Variants in ADAMTS2 observed in about 807,000 individuals in gnomAD.
The protein encoded by ADAMTS2 is ADAM metallopeptidase with thrombospondin type 1 motif 2.
Under a neutral mutation model 123.0 loss-of-function variants are expected in ADAMTS2, and 50 were observed. That is an observed-to-expected ratio of 0.41 (90% CI 0.32 to 0.51). ADAMTS2 has a LOEUF of 0.51. Ranked by LOEUF, ADAMTS2 falls within the 20% of genes least tolerant of loss-of-function variation. The pLI, the probability that ADAMTS2 is intolerant of heterozygous loss-of-function variation, is 0.35. For missense variants in ADAMTS2, 1,494 were observed against 1,705.2 expected (o/e 0.88, Z 2.18); for synonymous variants, 678 against 695.4 (o/e 0.98, Z 0.39).
chr5:179,214,533 A>T (rs1764930951), intron 3 of ADAMTS2, among the ~76,000 whole-genome samples: 1 of 141,928 alleles, frequency 7.0e-6, no homozygotes, highest in African/African-American at 2.6e-5. Context: ...TCTCACATAA[A>T]ATAATGCAAA....
At position 179,340,754 on chromosome 5, in the gene ADAMTS2, G is replaced by A. The variant is rs1469198369; in HGVS notation, c.534+3013C>T. On this transcript the variant is annotated intron_variant, in intron 2 of 21. Transcript: ENST00000251582. ...GCACAGGGGGCTCAGCTGAGAGCCT[G>A]GCACACAATGTTAATAGGAACACAG... is the stretch of plus-strand genomic sequence containing the variant. Among the ~76,000 whole-genome samples, 7 of 152,278 alleles carry A rather than the reference G, an allele frequency of 4.6e-5. No homozygotes were observed. The South Asian group carries it at 1.0e-3, about 23-fold the overall frequency.
chr5:179,336,823 C>T (rs752186143), intron 2 of ADAMTS2, among the ~76,000 whole-genome samples: 12 of 152,172 alleles, frequency 7.9e-5, no homozygotes, highest in Non-Finnish European at 1.6e-4. Flanking sequence ...CCATGTGACC[C>T]GCAACAGCCT....
chr5:179,250,886 C>A (rs755813659), intron 3 of ADAMTS2, among the ~76,000 whole-genome samples: 2 of 152,228 alleles, frequency 1.3e-5, no homozygotes, highest in Non-Finnish European at 2.9e-5. Flanking sequence ...ACAGGCATCA[C>A]GCATCCTGCC....
At chr5:179,309,947 G>A (rs1351340040) in intron 2 of ADAMTS2, among the ~76,000 whole-genome samples, 1 of 152,142 alleles carries the variant, frequency 6.6e-6, no homozygotes, top group Non-Finnish European at 1.5e-5. Context: ...TGTCCCTCCT[G>A]TCCTCCCTGC....
intron 2 of ADAMTS2, among the ~76,000 whole-genome samples, chr5:179,299,273 T>G (rs193289904): frequency 6.8e-6 from 1 of 146,702 alleles, no homozygotes; most frequent in Non-Finnish European, 1.5e-5. Context: ...CTCACGCCTG[T>G]AATCCCAGCA....
intron 4 of ADAMTS2, 78 bp downstream of exon 4, chr5:179,207,435 C>A: frequency 6.7e-7 from 1 of 1,490,514 alleles, no homozygotes; most frequent in East Asian, 2.3e-5. Context: ...GGACCTGGCC[C>A]AGCTGGGCCT....
At position 179,202,426 on chromosome 5, in the gene ADAMTS2, T is replaced by C. The variant is rs1231567474; in HGVS notation, c.891+5087A>G. Among the ~76,000 whole-genome samples the C allele has an allele frequency of 3.9e-5, 6 of 152,308 alleles. No individual in the cohort carries two copies. In the East Asian group the frequency reaches 1.2e-3, roughly 29 times the overall value. ...GAAAGTGGCCTGCCTTCCCCTACCC[T>C]TCTTCCTTCTCCATCTCCTAACTAT... On this transcript the variant is annotated intron_variant, in intron 4 of 21. Coordinates refer to ENST00000251582, the MANE Select transcript of ADAMTS2 (RefSeq NM_014244.5). The surrounding 1 kb of genome is among the most constrained non-coding windows in gnomAD (Gnocchi z 4.0).
chr5:179,329,730 T>C (rs1435873661), intron 2 of ADAMTS2, among the ~76,000 whole-genome samples: 1 of 151,922 alleles, frequency 6.6e-6, no homozygotes, highest in Non-Finnish European at 1.5e-5. Context: ...GCTCTGCAAA[T>C]ATAAACCCAC....
At chr5:179,122,854 C>G (rs1762789198) in intron 19 of ADAMTS2, 81 bp from the exon 20 acceptor site, 1 of 1,541,822 alleles carries the variant, frequency 6.5e-7, no homozygotes, top group East Asian at 2.4e-5. Context: ...CCACAGTCCC[C>G]AGGCACATGA....
chr5:179,129,826 C>G lies in ADAMTS2; in HGVS notation c.2457+106G>C. On this transcript the variant is annotated intron_variant, in intron 16 of 21. Transcript: ENST00000251582. This position sits in a 1 kb window ranked among gnomAD's most constrained non-coding sequence, Gnocchi z 4.1. Reference sequence around the variant, plus strand: ...CCAAAGGCAGGCCAAAGGGGCCACGCAGAGTGTCACCTGAAGGGTCAGGAG... The same window carrying G: ...CCAAAGGCAGGCCAAAGGGGCCACGGAGAGTGTCACCTGAAGGGTCAGGAG... 6.7e-7 allele frequency: 1 copy of G among 1,487,864 alleles called. No homozygotes were observed. The highest frequency in any genetic ancestry group is 9.2e-7 in the Non-Finnish European group (1 of 1,090,144). 92.2% of individuals were successfully genotyped at this position (1,487,864 alleles called of 1,614,324 possible). A position where few individuals can be genotyped will look rare whatever the true frequency, so the allele number is the denominator to read the frequency against.
chr5:179,299,102 C>A (rs1756425207), intron 2 of ADAMTS2, among the ~76,000 whole-genome samples: 1 of 151,844 alleles, frequency 6.6e-6, no homozygotes, highest in Admixed American at 6.6e-5. Context: ...AGAGAGCAAC[C>A]ATAAACCTAA....
rs990188759 is a variant in ADAMTS2 at position 179,185,842 on chromosome 5, C to T, written c.892-4687G>A. 2.6e-5 allele frequency among the ~76,000 whole-genome samples: 4 copies of T among 152,096 alleles called. No homozygotes were observed. The highest frequency in any genetic ancestry group is 3.4e-3 in the Middle Eastern group (1 of 294). On this transcript the variant is annotated intron_variant, in intron 4 of 21. Coordinates refer to ENST00000251582, the MANE Select transcript of ADAMTS2 (RefSeq NM_014244.5). The surrounding 1 kb of genome is among the most constrained non-coding windows in gnomAD (Gnocchi z 5.9). ...TGGCCTCTGGAAGCCTCAGATGGTT[C>T]GGAGATTAACTGGGGCTCCCTGGCT...
In ADAMTS2 at chr5:179,262,118, C is replaced by A. The variant is rs1200498265; in HGVS notation, c.688+10793G>T. ...GGCAGTGCAGAGCAGTGGAAGCGGG[C>A]AGCTGTGGAGTCAGAGTGATGGGTG... On this transcript the variant is annotated intron_variant, in intron 3 of 21. Coordinates refer to ENST00000251582, the MANE Select transcript of ADAMTS2 (RefSeq NM_014244.5). The surrounding 1 kb of genome is among the most constrained non-coding windows in gnomAD (Gnocchi z 5.9). Among the ~76,000 whole-genome samples, 1 of 152,122 alleles carries A rather than the reference C, an allele frequency of 6.6e-6. No individual in the cohort carries two copies. Among genetic ancestry groups the A allele is most frequent in the Non-Finnish European group, 1.5e-5 (1 of 68,004 alleles).
intron 4 of ADAMTS2, among the ~76,000 whole-genome samples, chr5:179,200,664 C>T (rs1483863739): frequency 6.6e-6 from 1 of 152,140 alleles, no homozygotes; most frequent in African/African-American, 2.4e-5. Context: ...CCAAGTAGGG[C>T]AGAAACTCAG....
chr5:179,167,351 ACCCGGGCT>A (rs1453901444), intron 5 of ADAMTS2, among the ~76,000 whole-genome samples: 1 of 151,904 alleles, frequency 6.6e-6, no homozygotes, highest in African/African-American at 2.4e-5. Flanking sequence ...CCGCGGCCGC[ACCCGGGCT>A]CCCGGGGCCC....
At chr5:179,301,970 G>C (rs901351044) in intron 2 of ADAMTS2, among the ~76,000 whole-genome samples, 1 of 152,212 alleles carries the variant, frequency 6.6e-6, no homozygotes, top group African/African-American at 2.4e-5. Context: ...CCTCGCCCCT[G>C]GGTGCCCTTC....
intron 4 of ADAMTS2, among the ~76,000 whole-genome samples, chr5:179,183,451 A>G (rs1764095483): frequency 6.6e-6 from 1 of 152,204 alleles, no homozygotes; most frequent in South Asian, 2.1e-4. Flanking sequence ...ACATCTGAGA[A>G]GGAAGGAAAT....
At position 179,110,935 on chromosome 5, in the gene ADAMTS2, A is replaced by T. The variant is rs764916938; in HGVS notation, c.*2932T>A. On this transcript the variant is annotated 3_prime_UTR_variant, in exon 22 of 22. Transcript: ENST00000251582. ...ATTTTACATTACAGAACAAAGATGT[A>T]TTGGTTGTTGTATCGGTAAGCCAGA... 7.9e-5 allele frequency: 12 copies of T among 152,350 alleles called. No individual in the cohort carries two copies. The highest frequency in any genetic ancestry group is 4.1e-4 in the South Asian group (2 of 4,824). 9.4% of individuals were successfully genotyped at this position (152,350 alleles called of 1,614,324 possible). A position where few individuals can be genotyped will look rare whatever the true frequency, so the allele number is the denominator to read the frequency against.
chr5:179,259,276 C>T (rs1026286749), intron 3 of ADAMTS2, among the ~76,000 whole-genome samples: 4 of 152,230 alleles, frequency 2.6e-5, no homozygotes, highest in Non-Finnish European at 4.4e-5. Context: ...CTCAGCCCAA[C>T]GTCCAGTGAC....
Sources: gnomAD v4.1 joint callset for allele counts (sites outside exome capture counted in the v4.1 genomes callset) on GRCh38, gnomAD v4.1.1 for gene constraint, Gnocchi (gnomAD v3.1) non-coding constraint, MANE v1.5 for transcripts, NCBI Gene and HGNC (gene_info 2026-07-23, HGNC 2026-07-21) for gene names.